LMBRD1: variants seen among roughly 807,000 people sequenced by gnomAD.
The protein encoded by LMBRD1 is LMBR1 domain containing 1, also known as lysosomal cobalamin transport escort protein LMBD1.
Under a neutral mutation model 74.8 loss-of-function variants are expected in LMBRD1, and 64 were observed. That is an observed-to-expected ratio of 0.86 (90% CI 0.70 to 1.05). LMBRD1 has a LOEUF of 1.05. LMBRD1 is among the 50% of genes least tolerant of loss of function. LMBRD1 has a pLI of 0.00. For synonymous variants in LMBRD1, 204 were observed against 216.3 expected (o/e 0.94, Z 0.50); for missense variants, 652 against 645.9 (o/e 1.01, Z -0.10).
intron 3 of LMBRD1, among the ~76,000 whole-genome samples, chr6:69,758,653 A>AGT (rs1412890663): frequency 6.6e-6 from 1 of 152,148 alleles, no homozygotes; most frequent in East Asian, 1.9e-4. Flanking sequence ...ACTTACTTTA[A>AGT]GTGAGACTGA....
intron 9 of LMBRD1, among the ~76,000 whole-genome samples, chr6:69,711,904 G>T (rs1036425727): frequency 3.9e-5 from 6 of 151,908 alleles, no homozygotes; most frequent in Admixed American, 6.6e-5. Context: ...TTGCGTCATG[G>T]GGGTTGTTGT....
intron 1 of LMBRD1, among the ~76,000 whole-genome samples, chr6:69,796,283 G>A (rs1355569095): frequency 2.0e-5 from 3 of 151,906 alleles, no homozygotes; most frequent in Non-Finnish European, 4.4e-5. Flanking sequence ...AAGTCAGAAC[G>A]AGCAACTCAC....
chr6:69,682,679 C>CA (rs1367243447), intron 14 of LMBRD1, among the ~76,000 whole-genome samples: 1 of 151,910 alleles, frequency 6.6e-6, no homozygotes, highest in Non-Finnish European at 1.5e-5. Context: ...AGATATAAAG[C>CA]AATTGTCTTC....
At chr6:69,792,284 C>G (rs970896972) in intron 1 of LMBRD1, among the ~76,000 whole-genome samples, 6 of 152,230 alleles carry the variant, frequency 3.9e-5, no homozygotes, top group African/African-American at 1.4e-4. Context: ...TGAAAACCAG[C>G]TGGGGTTGAG....
chr6:69,719,044 T>C lies in LMBRD1; in HGVS notation c.674A>G (p.Lys225Arg). 1 of 1,613,214 alleles carries C rather than the reference T, an allele frequency of 6.2e-7. No individual in the cohort carries two copies. The highest frequency in any genetic ancestry group is 8.5e-7 in the Non-Finnish European group (1 of 1,179,422). ...TTCATAAGCAGCGCTTCTAGTGCCT[T>C]TTATCAGATTTAAAGGTAACGCAGA... ...GMSALPLNLI[K>R]GTRSAAYERL... Residue 225 changes from lysine (K) to arginine (R), a missense_variant, in exon 8 of 16, where the codon AAA (lysine) becomes AGA (arginine). Transcript: ENST00000649934.
chr6:69,709,641 T>C (rs192794404), intron 9 of LMBRD1, among the ~76,000 whole-genome samples: 33 of 152,292 alleles, frequency 2.2e-4, no homozygotes, highest in African/African-American at 7.7e-4. Context: ...GCAGCTGATA[T>C]GATCATGTAT....
intron 14 of LMBRD1, among the ~76,000 whole-genome samples, chr6:69,692,223 C>G (rs1248340250): frequency 1.3e-5 from 2 of 152,062 alleles, no homozygotes; most frequent in Non-Finnish European, 2.9e-5. Context: ...ATATGGTATC[C>G]TCAAGCTAAA....
intron 8 of LMBRD1, among the ~76,000 whole-genome samples, chr6:69,717,357 C>A (rs1406052555): frequency 6.6e-6 from 1 of 152,006 alleles, no homozygotes; most frequent in Non-Finnish European, 1.5e-5. Flanking sequence ...CAGATATATG[C>A]TAAAAGTAAC....
intron 7 of LMBRD1, among the ~76,000 whole-genome samples, chr6:69,727,784 A>G (rs945316109): frequency 1.3e-5 from 2 of 152,134 alleles, no homozygotes; most frequent in African/African-American, 4.8e-5. Context: ...AGCCTATGGG[A>G]ACTAAAGTAC....
chr6:69,749,544 C>A, intron 4 of LMBRD1, 136 bp from the exon 5 acceptor site: 1 of 704,852 alleles, frequency 1.4e-6, no homozygotes, highest in Non-Finnish European at 2.5e-6. Context: ...GAAAAACAAC[C>A]TTAAAATTTA....
chr6:69,701,310 T>C (rs1284681203), intron 11 of LMBRD1, 133 bp downstream of exon 11: 1 of 605,958 alleles, frequency 1.7e-6, no homozygotes, highest in East Asian at 2.9e-5. Context: ...GAAAATAATA[T>C]AAGCATATGT....
intron 7 of LMBRD1, among the ~76,000 whole-genome samples, chr6:69,728,773 T>C (rs558148640): frequency 6.6e-6 from 1 of 152,278 alleles, no homozygotes; most frequent in South Asian, 2.1e-4. Flanking sequence ...TTCCTCTAAT[T>C]AACATCCTTT....
intron 14 of LMBRD1, among the ~76,000 whole-genome samples, chr6:69,693,547 A>T (rs1765933343): frequency 6.6e-6 from 1 of 152,040 alleles, no homozygotes; most frequent in Non-Finnish European, 1.5e-5. Flanking sequence ...TGAAAATTAA[A>T]ATTTTTGTTT....
intron 7 of LMBRD1, among the ~76,000 whole-genome samples, chr6:69,720,639 A>G (rs1022180409): frequency 1.3e-5 from 2 of 152,142 alleles, no homozygotes; most frequent in African/African-American, 4.8e-5. Context: ...TAATCTGAAA[A>G]TCCAACATCT....
At chr6:69,755,847 T>C (rs1267103980) in intron 3 of LMBRD1, among the ~76,000 whole-genome samples, 1 of 152,226 alleles carries the variant, frequency 6.6e-6, no homozygotes, top group African/African-American at 2.4e-5. Context: ...CCACTGTGTC[T>C]GTTACTTGGT....
rs1297619412 is a variant in LMBRD1 at position 69,796,875 on chromosome 6, T to C, written c.7A>G (p.Thr3Ala). 1 of 1,611,164 alleles carries C rather than the reference T, an allele frequency of 6.2e-7. No homozygotes were observed. Among genetic ancestry groups the C allele is most frequent in the African/African-American group, 1.3e-5 (1 of 74,656 alleles). The change falls in exon 1 of 16, where the codon ACT becomes GCT. Residue 3 changes from threonine (T) to alanine (A), a missense_variant. Around this residue, in one of 3 missense-constraint regions of LMBRD1, gnomAD observed 598 missense variants for 581.8 expected, o/e 1.03. Coordinates refer to ENST00000649934, the MANE Select transcript of LMBRD1 (RefSeq NM_018368.4). The part of the protein sequence containing the change: MA[T>A]SGAASAELVI... Reference sequence around the variant, plus strand: ...AGCTCCGCCGAGGCCGCGCCAGAAGTCGCCATCTTCGCTTCCGGTCCAGAC... The same window carrying C: ...AGCTCCGCCGAGGCCGCGCCAGAAGCCGCCATCTTCGCTTCCGGTCCAGAC...
intron 5 of LMBRD1, among the ~76,000 whole-genome samples, chr6:69,745,353 G>A (rs1767200699): frequency 6.7e-6 from 1 of 150,338 alleles, no homozygotes; most frequent in South Asian, 2.1e-4. Flanking sequence ...CCGCTTCCCG[G>A]GTTCACGCCA....
intron 14 of LMBRD1, among the ~76,000 whole-genome samples, chr6:69,685,986 GCAAA>G (rs1348658305): frequency 6.6e-6 from 1 of 151,924 alleles, no homozygotes; most frequent in Non-Finnish European, 1.5e-5. Context: ...GGTCATTATG[GCAAA>G]CAAAACAAAA....
intron 14 of LMBRD1, among the ~76,000 whole-genome samples, chr6:69,688,202 T>C (rs928423314): frequency 2.6e-5 from 4 of 152,140 alleles, no homozygotes; most frequent in African/African-American, 4.8e-5. Context: ...ACCAGCTTCA[T>C]TTTAGTCTGT....
Sources: allele counts gnomAD v4.1 joint callset (sites outside exome capture counted in the v4.1 genomes callset), GRCh38; gene constraint gnomAD v4.1.1; regional missense constraint gnomAD v4.1.1; transcripts MANE v1.5; gene names NCBI Gene and HGNC (gene_info 2026-07-23, HGNC 2026-07-21).